SLC28A1: variants seen among roughly 807,000 people sequenced by gnomAD.
SLC28A1 encodes sodium/nucleoside cotransporter 1.
Under a neutral mutation model 74.8 loss-of-function variants are expected in SLC28A1, and 64 were observed. That is an observed-to-expected ratio of 0.86 (90% CI 0.70 to 1.05). The LOEUF is 1.05. Among genes scored for constraint, SLC28A1 ranks in the 50% least tolerant of loss-of-function variants. The pLI is 0.00. For synonymous variants in SLC28A1, 359 were observed against 335.0 expected (o/e 1.07, Z -0.78); for missense variants, 828 against 822.8 (o/e 1.01, Z -0.08).
intron 15 of SLC28A1, chr15:84,939,729 T>C (rs575723302): frequency 6.6e-6 from 1 of 151,896 alleles, no homozygotes; most frequent in South Asian, 2.1e-4. Context: ...AGCACAGGAA[T>C]GTGTTTTTTT....
intron 9 of SLC28A1, among the ~76,000 whole-genome samples, chr15:84,916,840 C>G (rs1471665770): frequency 6.6e-6 from 1 of 151,990 alleles, no homozygotes; most frequent in Non-Finnish European, 1.5e-5. Flanking sequence ...CCAGCCTGGC[C>G]AACATGGTGA....
intron 11 of SLC28A1, 64 bp from the exon 12 acceptor site, chr15:84,923,921 G>A: frequency 6.2e-7 from 1 of 1,611,504 alleles, no homozygotes; most frequent in Non-Finnish European, 8.5e-7. Flanking sequence ...ACTGTGACCT[G>A]TGAAGGGAGA....
At chr15:84,889,662 TTC>T (rs1159488597) in intron 4 of SLC28A1, among the ~76,000 whole-genome samples, 28 of 127,840 alleles carry the variant, frequency 2.2e-4, no homozygotes, top group African/African-American at 6.9e-4. Flanking sequence ...TTTCTTTTCT[TTC>T]CTTCCTTCCT....
At position 84,887,855 on chromosome 15, in the gene SLC28A1, TG is replaced by T; in HGVS notation, c.96+1del. 6.2e-7 allele frequency: 1 copy of T among 1,608,508 alleles called. No homozygotes were observed. Among genetic ancestry groups the T allele is most frequent in the Non-Finnish European group, 8.5e-7 (1 of 1,174,886 alleles). ...ATGGGGGCTGATTTCTTGGAAAGCC[TG>T]GTCTGTACCCTTCCCCATCAGTCAT... ...ENMGADFLES[L>X]EEGQLPRSDL... On this transcript the variant is annotated frameshift_variant and splice_region_variant, in exon 3 of 19. Coordinates refer to ENST00000394573, the MANE Select transcript of SLC28A1 (RefSeq NM_004213.5). LOFTEE classifies it high-confidence loss of function.
intron 15 of SLC28A1, among the ~76,000 whole-genome samples, chr15:84,941,613 G>C (rs1057332284): frequency 6.6e-6 from 1 of 152,086 alleles, no homozygotes; most frequent in Admixed American, 6.6e-5. Context: ...GCTGGGCACG[G>C]TGGCTCATGC....
In SLC28A1 at chr15:84,888,977, G is replaced by A. The variant is rs947528991; in HGVS notation, c.185+117G>A. ...GGGGGGACGTGAACCTTTGTTGAAG[G>A]GAGGAATAAAGGCGCTTTAGCCAAC... On this transcript the variant is annotated intron_variant, in intron 4 of 18. Coordinates refer to ENST00000394573, the MANE Select transcript of SLC28A1 (RefSeq NM_004213.5). 5.9e-5 allele frequency: 45 copies of A among 757,950 alleles called. 1 individual carries two copies. Among genetic ancestry groups the A allele is most frequent in the South Asian group, 5.4e-4 (36 of 66,430 alleles). The allele number at this position is 757,950 out of a possible 1,614,324, so 47.0% of individuals were successfully genotyped here.
At chr15:84,922,516 C>T (rs1299052030) in intron 11 of SLC28A1, among the ~76,000 whole-genome samples, 2 of 152,208 alleles carry the variant, frequency 1.3e-5, no homozygotes, top group African/African-American at 4.8e-5. Context: ...GGCCCATCTA[C>T]AACCCCCCGC....
At chr15:84,917,432 G>A (rs936398942) in intron 9 of SLC28A1, among the ~76,000 whole-genome samples, 6 of 151,956 alleles carry the variant, frequency 3.9e-5, no homozygotes, top group African/African-American at 1.2e-4. Context: ...CACACACAAC[G>A]CCCCTCACAC....
rs769059554 is a variant in SLC28A1 at position 84,887,814 on chromosome 15, C to T, written c.54C>T (p.Ala18=). The change falls in exon 3 of 19, where the codon GCC becomes GCT. Residue 18 remains alanine, a synonymous_variant. Coordinates refer to ENST00000394573, the MANE Select transcript of SLC28A1 (RefSeq NM_004213.5). The part of the protein sequence containing the change: ...RRESISLTPV[A]KGLENMGADF... ...AGTCCATCTCTCTCACACCTGTGGC[C>T]AAGGGTCTGGAGAACATGGGGGCTG... is the stretch of plus-strand genomic sequence containing the variant. 33 of 1,613,952 alleles carry T rather than the reference C, an allele frequency of 2.0e-5. No individual in the cohort carries two copies. The highest frequency in any genetic ancestry group is 2.5e-5 in the Non-Finnish European group (30 of 1,179,940).
At chr15:84,908,620 G>C (rs1444086039) in intron 8 of SLC28A1, 98 bp from the exon 9 acceptor site, 1 of 993,992 alleles carries the variant, frequency 1.0e-6, no homozygotes, top group South Asian at 1.3e-5. Context: ...GGGGGACTAC[G>C]TCCCTGGGCC....
chr15:84,935,129 G>C lies in SLC28A1; in HGVS notation c.1318G>C (p.Asp440His), dbSNP rs762285057. Residue 440 changes from aspartate to histidine, a missense_variant, in exon 14 of 19, where the codon GAC (aspartate) becomes CAC (histidine). By Grantham distance (81) the Asp-to-His change is moderately conservative. Transcript: ENST00000394573. ...CCTGATTGCGTTCCTGGCTGTGCTG[G>C]ACTTTATCAATGCTGCCCTCTCCTG... The part of the protein sequence containing the change: ...ANLIAFLAVL[D>H]FINAALSWLG... The C allele has an allele frequency of 6.8e-6, 11 of 1,614,032 alleles. No homozygotes were observed. The highest frequency in any genetic ancestry group is 9.3e-6 in the Non-Finnish European group (11 of 1,180,010).
Position 84,944,815 on chromosome 15 carries a change from C to A in SLC28A1, c.1822C>A (p.Leu608Ile). 1.9e-6 allele frequency: 3 copies of A among 1,614,150 alleles called. No homozygotes were observed. Among genetic ancestry groups the A allele is most frequent in the Non-Finnish European group, 2.5e-6 (3 of 1,180,006 alleles). Residue 608 changes from leucine to isoleucine, a missense_variant, in exon 18 of 19, where the codon CTC (leucine) becomes ATC (isoleucine). Physicochemically the swap from Leu to Ile is conservative, Grantham distance 5. This residue lies in a region of SLC28A1 where 8 missense variants were observed against 24.9 expected (regional missense o/e 0.32). Coordinates refer to ENST00000394573, the MANE Select transcript of SLC28A1 (RefSeq NM_004213.5). The part of the protein sequence containing the change: ...VDCMSLLNTT[L>I]SSSSFEIYQC... ...CTGCATGTCCCTCTTGAACACGACC[C>A]TCAGCAGCAGTAGCTTTGAGATTTA...
chr15:84,901,425 C>T (rs192494310), intron 6 of SLC28A1, among the ~76,000 whole-genome samples: 15 of 151,956 alleles, frequency 9.9e-5, no homozygotes, highest in African/African-American at 2.7e-4. Context: ...GAGAATTGCT[C>T]GAACCCAGGA....
chr15:84,906,899 A>G (rs967444788), intron 8 of SLC28A1, among the ~76,000 whole-genome samples: 5 of 152,184 alleles, frequency 3.3e-5, no homozygotes, highest in African/African-American at 1.2e-4. Context: ...TAGTTTAAAG[A>G]TCTTAATTGG....
intron 6 of SLC28A1, 119 bp downstream of exon 6, chr15:84,895,242 T>C (rs781660529): frequency 3.5e-5 from 55 of 1,577,514 alleles, no homozygotes; most frequent in Non-Finnish European, 4.3e-5. Flanking sequence ...GAGAACTCTC[T>C]GGCGCCCCAG....
At chr15:84,924,156 C>G in intron 12 of SLC28A1, 46 bp downstream of exon 12, 1 of 1,600,396 alleles carries the variant, frequency 6.2e-7, no homozygotes, top group Non-Finnish European at 8.5e-7. Flanking sequence ...GGACCTGAAG[C>G]CCATCTTTGT....
chr15:84,908,568 A>T (rs1331906388), intron 8 of SLC28A1, 150 bp from the exon 9 acceptor site: 1 of 706,232 alleles, frequency 1.4e-6, no homozygotes. Flanking sequence ...AGCAGCTTTA[A>T]CGCACCTTGC....
At chr15:84,953,525 T>C in the SLC28A1 span, among the ~76,000 whole-genome samples, 1 of 152,012 alleles carries the variant, frequency 6.6e-6, no homozygotes, top group Non-Finnish European at 1.5e-5. Flanking sequence ...AGCCCATGAG[T>C]TCAAGACCGG....
At chr15:84,968,211 G>T in the SLC28A1 span, among the ~76,000 whole-genome samples, 1 of 152,198 alleles carries the variant, frequency 6.6e-6, no homozygotes, top group Non-Finnish European at 1.5e-5. Context: ...TCCTGGTTGA[G>T]CCTCAGTTTC....
Sources: allele counts gnomAD v4.1 joint callset (sites outside exome capture counted in the v4.1 genomes callset), GRCh38; gene constraint gnomAD v4.1.1; regional missense constraint gnomAD v4.1.1; transcripts MANE v1.5; gene names NCBI Gene and HGNC (gene_info 2026-07-23, HGNC 2026-07-21).